The following PCDHA12 variants were observed in gnomAD, a reference collection of about 807,000 sequenced individuals.
PCDHA12 encodes the protein protocadherin alpha 12.
Under a neutral mutation model 60.0 loss-of-function variants are expected in PCDHA12, and 44 were observed. That is an observed-to-expected ratio of 0.73 (90% CI 0.58 to 0.94). The LOEUF is 0.94. Among genes scored for constraint, PCDHA12 ranks in the 40% least tolerant of loss-of-function variants. The pLI, the probability that PCDHA12 is intolerant of heterozygous loss-of-function variation, is 0.00. For synonymous variants in PCDHA12, 569 were observed against 553.0 expected, an observed-to-expected ratio of 1.03 and a Z score of -0.40; for missense variants, 1,276 against 1,239.7, an observed-to-expected ratio of 1.03 and a Z score of -0.44.
intron 1 of PCDHA12, chr5:140,967,197 AC>A: frequency 6.2e-7 from 1 of 1,613,542 alleles, no homozygotes; most frequent in Non-Finnish European, 8.5e-7. Context: ...ATCAACGACA[AC>A]TCACCGCGTT....
intron 1 of PCDHA12, among the ~76,000 whole-genome samples, chr5:140,961,831 T>G (rs1447917023): frequency 6.6e-6 from 1 of 152,194 alleles, no homozygotes; most frequent in African/African-American, 2.4e-5. Flanking sequence ...TGTAAGTTAT[T>G]TCAGTGCCTT....
intron 1 of PCDHA12, among the ~76,000 whole-genome samples, chr5:140,924,232 G>T (rs1554201826): frequency 6.6e-6 from 1 of 152,180 alleles, no homozygotes; most frequent in African/African-American, 2.4e-5. Flanking sequence ...ATTTTTATGG[G>T]CTGTTTTGCA....
At chr5:140,970,920 G>A (rs957123423) in intron 1 of PCDHA12, among the ~76,000 whole-genome samples, 2 of 152,266 alleles carry the variant, frequency 1.3e-5, no homozygotes, top group Non-Finnish European at 2.9e-5. Flanking sequence ...TTTATCAGAA[G>A]TGCCTGGTGT....
intron 1 of PCDHA12, among the ~76,000 whole-genome samples, chr5:140,880,574 AGAGAG>A (rs2058389036): frequency 1.3e-5 from 2 of 152,226 alleles, no homozygotes; most frequent in African/African-American, 4.8e-5. Flanking sequence ...GAATTTGAGA[AGAGAG>A]GAAAGAGAAT....
At chr5:141,003,761 C>T (rs1371194132) in intron 3 of PCDHA12, among the ~76,000 whole-genome samples, 3 of 152,160 alleles carry the variant, frequency 2.0e-5, no homozygotes, top group Admixed American at 1.3e-4. Flanking sequence ...TAATTATGGT[C>T]GTATTCTGTT....
intron 1 of PCDHA12, among the ~76,000 whole-genome samples, chr5:140,933,649 T>G (rs1259214104): frequency 6.6e-6 from 1 of 152,058 alleles, no homozygotes; most frequent in Non-Finnish European, 1.5e-5. Flanking sequence ...AAGTTGGAAA[T>G]CCTGTCTCTC....
At chr5:140,915,028 T>C (rs1583932096) in intron 1 of PCDHA12, among the ~76,000 whole-genome samples, 1 of 150,922 alleles carries the variant, frequency 6.6e-6, no homozygotes, top group Non-Finnish European at 1.5e-5. Context: ...TCACTGCAAC[T>C]TCTGCCTCCT....
Position 140,968,974 on chromosome 5 carries a change from G to A in PCDHA12, c.2368-9975G>A, listed in dbSNP as rs17119326. 3.9e-3 allele frequency: 6,227 copies of A among 1,614,174 alleles called. 151 individuals carry two copies. The African/African-American group carries it at 0.06, about 16-fold the overall frequency. On this transcript the variant is annotated intron_variant, in intron 1 of 3. Coordinates refer to ENST00000398631, the MANE Select transcript of PCDHA12 (RefSeq NM_018903.4). Reference sequence around the variant, plus strand: ...TCATCAAGTGCTACCGCTACACTGCGTATGGCACTGCATGCTGTGGAGGCT... The same window carrying A: ...TCATCAAGTGCTACCGCTACACTGCATATGGCACTGCATGCTGTGGAGGCT...
At chr5:140,995,214 CTCT>C (rs1563606225) in intron 3 of PCDHA12, among the ~76,000 whole-genome samples, 1 of 152,136 alleles carries the variant, frequency 6.6e-6, no homozygotes, top group East Asian at 1.9e-4. Flanking sequence ...AGGCACAATA[CTCT>C]TGTGCTTTGG....
chr5:140,877,741 A>T lies in PCDHA12; in HGVS notation c.2269A>T (p.Arg757Trp). ...GTCTTACTCGCAGCAGAGGAGGCAG[A>T]GGGTGTGCTCTGCAGAGAGCCCGCC... ...SWSYSQQRRQ[R>W]VCSAESPPKT... The change falls in exon 1 of 4, where the codon AGG becomes TGG. Residue 757 changes from arginine (R) to tryptophan (W), a missense_variant. Physicochemically the swap from Arg to Trp is moderately radical, Grantham distance 101 (BLOSUM62 -3). Transcript: ENST00000398631. 2 of 1,614,182 alleles carry T rather than the reference A, an allele frequency of 1.2e-6. No homozygotes were observed. The highest frequency in any genetic ancestry group is 1.7e-6 in the Non-Finnish European group (2 of 1,180,034).
chr5:140,879,184 T>C (rs1368886985), intron 1 of PCDHA12, among the ~76,000 whole-genome samples: 1 of 152,136 alleles, frequency 6.6e-6, no homozygotes, highest in Admixed American at 6.5e-5. Flanking sequence ...TATCAAGTAA[T>C]GGAGACTTAA....
In PCDHA12 at chr5:140,876,781, G is replaced by A; in HGVS notation, c.1309G>A (p.Ala437Thr). ...GGATGGGGGCTCGCCTTCGCTGTGG[G>A]CCACGGCTAGAGTGTCCGTGGAGGT... The part of the protein sequence containing the change: ...ARDGGSPSLW[A>T]TARVSVEVAD... Residue 437 changes from alanine to threonine, a missense_variant, in exon 1 of 4, where the codon GCC becomes ACC. By Grantham distance (58) the Ala-to-Thr change is moderately conservative. Coordinates refer to ENST00000398631, the MANE Select transcript of PCDHA12 (RefSeq NM_018903.4). 1 of 1,614,240 alleles carries A rather than the reference G, an allele frequency of 6.2e-7. No homozygotes were observed. Among genetic ancestry groups the A allele is most frequent in the Non-Finnish European group, 8.5e-7 (1 of 1,180,032 alleles).
At chr5:140,971,221 G>A (rs1234658755) in intron 1 of PCDHA12, among the ~76,000 whole-genome samples, 1 of 152,082 alleles carries the variant, frequency 6.6e-6, no homozygotes, top group East Asian at 1.9e-4. Flanking sequence ...TCCCTCTCCT[G>A]ACTCAAAGCT....
chr5:140,975,707 A>G (rs1445809800), intron 1 of PCDHA12, among the ~76,000 whole-genome samples: 1 of 152,204 alleles, frequency 6.6e-6, no homozygotes, highest in East Asian at 1.9e-4. Context: ...ATTTTACTTT[A>G]AATCTTAGAA....
At chr5:140,946,314 T>C (rs1307176539) in intron 1 of PCDHA12, among the ~76,000 whole-genome samples, 2 of 151,808 alleles carry the variant, frequency 1.3e-5, no homozygotes, top group African/African-American at 4.8e-5. Flanking sequence ...ATGGCTATTA[T>C]TGAAAGAGGA....
rs782516629 is a variant in PCDHA12, at chr5:140,876,277, C to G, written c.805C>G (p.Pro269Ala). 5 of 1,613,988 alleles carry G rather than the reference C, an allele frequency of 3.1e-6. No homozygotes were observed. The highest frequency in any genetic ancestry group is 2.2e-5 in the East Asian group (1 of 44,886). Reference sequence around the variant, plus strand: ...AGTGATCCAACTAAATGCTTCCGATCCAGACGAAGGACTTAATGGAGAAAT... The same window carrying G: ...AGTGATCCAACTAAATGCTTCCGATGCAGACGAAGGACTTAATGGAGAAAT... The part of the protein sequence containing the change: ...TRVIQLNASD[P>A]DEGLNGEISY... The change falls in exon 1 of 4, where the codon CCA becomes GCA. Residue 269 changes from proline (P) to alanine (A), a missense_variant. Transcript: ENST00000398631.
intron 1 of PCDHA12, among the ~76,000 whole-genome samples, chr5:140,961,947 G>A (rs1183967245): frequency 6.6e-6 from 1 of 150,956 alleles, no homozygotes; most frequent in Non-Finnish European, 1.5e-5. Flanking sequence ...GCAGTGGCAT[G>A]ATCTCGGCTC....
chr5:140,988,363 C>T (rs782342714), intron 3 of PCDHA12, among the ~76,000 whole-genome samples: 25 of 152,132 alleles, frequency 1.6e-4, no homozygotes, highest in Admixed American at 4.6e-4. Context: ...CTTTTACTTT[C>T]TGGGGTTGTG....
intron 3 of PCDHA12, among the ~76,000 whole-genome samples, chr5:140,988,057 C>G (rs557714672): frequency 2.0e-4 from 30 of 152,188 alleles, no homozygotes; most frequent in Non-Finnish European, 3.7e-4. Context: ...GCACTGTCAA[C>G]ATGAATTTTT....
Sources: allele counts gnomAD v4.1 joint callset (sites outside exome capture counted in the v4.1 genomes callset), GRCh38; gene constraint gnomAD v4.1.1; transcripts MANE v1.5; gene names NCBI Gene and HGNC (gene_info 2026-07-23, HGNC 2026-07-21).